Variants in FRMD5 observed in about 807,000 individuals in gnomAD.
FRMD5 encodes the protein FERM domain-containing protein 5.
FRMD5 carries 20 observed loss-of-function variants against 69.0 expected under a neutral mutation model. That is an observed-to-expected ratio of 0.29 (90% CI 0.20 to 0.42). The LOEUF is 0.42. Ranked by LOEUF, FRMD5 falls within the 10% of genes least tolerant of loss-of-function variation. FRMD5 has a pLI of 1.00. For synonymous variants in FRMD5, 271 were observed against 260.1 expected (o/e 1.04, Z -0.40); for missense variants, 595 against 708.6 (o/e 0.84, Z 1.82).
At position 43,872,212 on chromosome 15, in the gene FRMD5, G is replaced by A. The variant is rs2088177937; in HGVS notation, c.*1673C>T. On this transcript the variant is annotated 3_prime_UTR_variant, in exon 14 of 14. Coordinates refer to ENST00000417257, the MANE Select transcript of FRMD5 (RefSeq NM_032892.5). ...GATGAAAGGATGTCTTTAAAATTAT[G>A]CAAATCTCTCCCTAAGAACCCCAAT... is the stretch of plus-strand genomic sequence containing the variant. 1.3e-5 allele frequency: 2 copies of A among 152,050 alleles called. No homozygotes were observed. The highest frequency in any genetic ancestry group is 4.2e-4 in the South Asian group (2 of 4,808). 9.4% of individuals were successfully genotyped at this position (152,050 alleles called of 1,614,324 possible).
At chr15:43,995,021 T>C (rs1047849565) in intron 1 of FRMD5, among the ~76,000 whole-genome samples, 5 of 152,142 alleles carry the variant, frequency 3.3e-5, no homozygotes, top group Non-Finnish European at 7.4e-5. Flanking sequence ...ATTCTTGTTT[T>C]CTCCTTTAGC....
At chr15:44,017,374 C>T (rs945594374) in intron 1 of FRMD5, among the ~76,000 whole-genome samples, 2 of 151,654 alleles carry the variant, frequency 1.3e-5, no homozygotes, top group Non-Finnish European at 2.9e-5. Flanking sequence ...CCATGGCACC[C>T]GACCTCTGAT....
intron 1 of FRMD5, among the ~76,000 whole-genome samples, chr15:44,092,710 T>A (rs1022175617): frequency 6.6e-5 from 10 of 152,210 alleles, no homozygotes; most frequent in Admixed American, 3.9e-4. Context: ...ACAACCATGC[T>A]ATTTTTTTCT....
At chr15:43,897,214 A>G (rs529371951) in intron 7 of FRMD5, among the ~76,000 whole-genome samples, 2 of 152,146 alleles carry the variant, frequency 1.3e-5, no homozygotes, top group African/African-American at 4.8e-5. Flanking sequence ...GGTGCTGGGC[A>G]TGGTGGCTCA....
intron 1 of FRMD5, among the ~76,000 whole-genome samples, chr15:43,995,981 C>A (rs1481875435): frequency 6.6e-6 from 1 of 151,520 alleles, no homozygotes; most frequent in Non-Finnish European, 1.5e-5. Flanking sequence ...GCTGCAGAGG[C>A]TCCCCTACAG....
chr15:43,978,044 T>C (rs1425288722), intron 1 of FRMD5, among the ~76,000 whole-genome samples: 2 of 151,950 alleles, frequency 1.3e-5, no homozygotes, highest in Admixed American at 6.6e-5. Context: ...AACCTCCCTA[T>C]AGAAACTTTA....
intron 1 of FRMD5, among the ~76,000 whole-genome samples, chr15:44,005,702 T>C (rs746414536): frequency 1.3e-4 from 19 of 151,986 alleles, no homozygotes; most frequent in Non-Finnish European, 2.4e-4. Flanking sequence ...TACACACTTT[T>C]AAACAACCAG....
chr15:43,984,399 A>G (rs1889285012), intron 1 of FRMD5, among the ~76,000 whole-genome samples: 1 of 152,230 alleles, frequency 6.6e-6, no homozygotes, highest in South Asian at 2.1e-4. Flanking sequence ...CCCCCAGTGG[A>G]CAGCAGCTTA....
chr15:43,909,106 C>G (rs908441145), intron 5 of FRMD5, among the ~76,000 whole-genome samples: 11 of 152,004 alleles, frequency 7.2e-5, no homozygotes, highest in Admixed American at 2.6e-4. Flanking sequence ...GCAAAATCCT[C>G]TAACTTGGCT....
At chr15:43,902,332 A>G (rs1051189512) in intron 6 of FRMD5, 70 bp from the exon 7 acceptor site, 36 of 1,271,580 alleles carry the variant, frequency 2.8e-5, no homozygotes, top group East Asian at 4.6e-5. Flanking sequence ...TAAACTCTCT[A>G]TGAAGATGTG....
At chr15:44,001,406 A>G (rs1304724408) in intron 1 of FRMD5, among the ~76,000 whole-genome samples, 1 of 151,938 alleles carries the variant, frequency 6.6e-6, no homozygotes, top group African/African-American at 2.4e-5. Flanking sequence ...AAACTTTTTA[A>G]TTTGATGTAG....
chr15:44,184,531 C>CCTCTTTACCTATTTAAT (rs2078066478), intron 1 of FRMD5, among the ~76,000 whole-genome samples: 2 of 152,156 alleles, frequency 1.3e-5, no homozygotes, highest in Non-Finnish European at 2.9e-5. Flanking sequence ...ACTATGAATG[C>CCTCTTTACCTATTTAAT]ACCTATTTAA....
chr15:44,070,578 G>T (rs1165784213), intron 1 of FRMD5, among the ~76,000 whole-genome samples: 1 of 152,180 alleles, frequency 6.6e-6, no homozygotes, highest in Non-Finnish European at 1.5e-5. Flanking sequence ...TGGAGCCTCA[G>T]CTTCCTCAAA....
At chr15:44,020,982 A>ATTTATT (rs1891187381) in intron 1 of FRMD5, among the ~76,000 whole-genome samples, 1 of 152,182 alleles carries the variant, frequency 6.6e-6, no homozygotes, top group South Asian at 2.1e-4. Flanking sequence ...AGCTTTGTGT[A>ATTTATT]TTTATTTTGT....
chr15:44,118,908 T>C (rs1354764081), intron 1 of FRMD5, among the ~76,000 whole-genome samples: 1 of 152,148 alleles, frequency 6.6e-6, no homozygotes, highest in Non-Finnish European at 1.5e-5. Flanking sequence ...CCTGAGTAAC[T>C]GGGACTACAG....
intron 7 of FRMD5, among the ~76,000 whole-genome samples, chr15:43,897,567 G>A (rs960287048): frequency 1.3e-5 from 2 of 151,506 alleles, no homozygotes; most frequent in East Asian, 3.9e-4. Context: ...TAGAGAGCTG[G>A]CTAGGTGGCT....
chr15:44,116,668 CT>C (rs2076873147), intron 1 of FRMD5, among the ~76,000 whole-genome samples: 1 of 152,146 alleles, frequency 6.6e-6, no homozygotes, highest in South Asian at 2.1e-4. Context: ...CTTTATGCCC[CT>C]CGCTCCCCAG....
intron 1 of FRMD5, among the ~76,000 whole-genome samples, chr15:43,955,928 C>G (rs1008132908): frequency 3.3e-5 from 5 of 151,874 alleles, no homozygotes; most frequent in African/African-American, 9.7e-5. Context: ...TGGAAGTTTA[C>G]CACAGGTAAG....
chr15:44,007,390 T>C (rs1328288484), intron 1 of FRMD5, among the ~76,000 whole-genome samples: 1 of 152,070 alleles, frequency 6.6e-6, no homozygotes, highest in Non-Finnish European at 1.5e-5. Context: ...TGCCTACATA[T>C]ATATAAACCT....
Sources: allele counts gnomAD v4.1 joint callset (sites outside exome capture counted in the v4.1 genomes callset), GRCh38; gene constraint gnomAD v4.1.1; transcripts MANE v1.5; gene names NCBI Gene and HGNC (gene_info 2026-07-23, HGNC 2026-07-21).